COLGALT2: variants seen among roughly 807,000 people sequenced by gnomAD.
COLGALT2 encodes the protein collagen beta(1-O)galactosyltransferase 2, also known as procollagen galactosyltransferase 2.
Under a neutral mutation model 73.4 loss-of-function variants are expected in COLGALT2, and 49 were observed. That is an observed-to-expected ratio of 0.67 (90% confidence interval 0.53 to 0.85). COLGALT2 has a LOEUF of 0.85. Ranked by LOEUF, COLGALT2 falls within the 40% of genes least tolerant of loss-of-function variation. COLGALT2 has a pLI of 0.00. For missense variants in COLGALT2, 722 were observed against 790.2 expected (o/e 0.91, Z 1.03); for synonymous variants, 295 against 307.6 (o/e 0.96, Z 0.43).
chr1:183,944,993 G>A (rs1670210917), intron 9 of COLGALT2, among the ~76,000 whole-genome samples: 1 of 152,186 alleles, frequency 6.6e-6, no homozygotes, highest in Non-Finnish European at 1.5e-5. Context: ...CTGTAAGACA[G>A]GGGTTCCACT....
At chr1:183,992,815 G>A (rs1671665279) in intron 1 of COLGALT2, among the ~76,000 whole-genome samples, 1 of 152,152 alleles carries the variant, frequency 6.6e-6, no homozygotes, top group Non-Finnish European at 1.5e-5. Context: ...CCCCAAATGG[G>A]TAAAATCCCC....
chr1:184,001,510 T>G (rs184521104), intron 1 of COLGALT2, among the ~76,000 whole-genome samples: 1 of 152,292 alleles, frequency 6.6e-6, no homozygotes, highest in East Asian at 1.9e-4. Context: ...TCTAAACCTC[T>G]CTTTCATAGT....
intron 8 of COLGALT2, among the ~76,000 whole-genome samples, chr1:183,947,601 G>T (rs1363014089): frequency 1.3e-5 from 2 of 152,128 alleles, no homozygotes; most frequent in African/African-American, 4.8e-5. Flanking sequence ...ACTTAACATA[G>T]TACTTGGAGA....
chr1:183,951,908 C>G (rs1281519570), intron 7 of COLGALT2, among the ~76,000 whole-genome samples: 1 of 152,188 alleles, frequency 6.6e-6, no homozygotes, highest in Non-Finnish European at 1.5e-5. Flanking sequence ...GCAAAAAGAA[C>G]AAGGCTTGAG....
In COLGALT2 at chr1:183,938,261, C is replaced by T; in HGVS notation, c.*500G>A. On this transcript the variant is annotated 3_prime_UTR_variant, in exon 12 of 12. Coordinates refer to ENST00000361927, the MANE Select transcript of COLGALT2 (RefSeq NM_015101.4). ...GTGACAGAATCCTTTAAATAAAAAG[C>T]CAAATAAATATGATTTTAAGTGATT... The T allele has an allele frequency of 5.1e-6, 5 of 983,230 alleles. No homozygotes were observed. The highest frequency in any genetic ancestry group is 6.0e-6 in the Non-Finnish European group (5 of 829,432). 60.9% of individuals were successfully genotyped at this position (983,230 alleles called of 1,614,324 possible).
chr1:183,963,239 T>C (rs1047312990), intron 6 of COLGALT2, among the ~76,000 whole-genome samples: 2 of 152,354 alleles, frequency 1.3e-5, no homozygotes, highest in African/African-American at 4.8e-5. Context: ...AATCCCAATC[T>C]GTCATTTGTT....
At chr1:184,028,341 T>A (rs942237813) in intron 1 of COLGALT2, among the ~76,000 whole-genome samples, 28 of 152,194 alleles carry the variant, frequency 1.8e-4, no homozygotes. Flanking sequence ...CACCAATCAA[T>A]GTACCTCCAC....
chr1:184,004,262 A>G (rs1260590571), intron 1 of COLGALT2, among the ~76,000 whole-genome samples: 2 of 152,232 alleles, frequency 1.3e-5, no homozygotes, highest in Non-Finnish European at 2.9e-5. Context: ...GGTGCAAGAA[A>G]GCAGCACAAC....
At chr1:183,939,488 C>T (rs1038431910) in intron 11 of COLGALT2, among the ~76,000 whole-genome samples, 6 of 152,188 alleles carry the variant, frequency 3.9e-5, no homozygotes, top group East Asian at 1.9e-4. Context: ...CTCACCACTC[C>T]GGTTCCAACA....
At chr1:183,930,568 T>C (rs1669822595) in intron 11 of COLGALT2, among the ~76,000 whole-genome samples, 1 of 77,702 alleles carries the variant, frequency 1.3e-5, no homozygotes, top group Non-Finnish European at 2.9e-5. Flanking sequence ...TTTTTCTTTT[T>C]CTTTTTTTTT....
chr1:184,017,408 C>T (rs376527088), intron 1 of COLGALT2, among the ~76,000 whole-genome samples: 2 of 152,068 alleles, frequency 1.3e-5, no homozygotes, highest in Non-Finnish European at 2.9e-5. Context: ...GTTTCTCCTC[C>T]GGCCCTCAAT....
At chr1:183,959,413 A>AC (rs1360588592) in intron 6 of COLGALT2, among the ~76,000 whole-genome samples, 3 of 151,944 alleles carry the variant, frequency 2.0e-5, no homozygotes, top group African/African-American at 7.3e-5. Context: ...TAGCTCCCCA[A>AC]CCCCCAGTCT....
At chr1:183,981,589 G>C (rs571079808) in intron 1 of COLGALT2, among the ~76,000 whole-genome samples, 3 of 152,268 alleles carry the variant, frequency 2.0e-5, no homozygotes, top group African/African-American at 4.8e-5. Flanking sequence ...CCTGCAAGGT[G>C]GAGATTGCAG....
intron 5 of COLGALT2, among the ~76,000 whole-genome samples, chr1:183,967,182 C>T (rs184920680): frequency 1.3e-5 from 2 of 152,350 alleles, no homozygotes; most frequent in Admixed American, 6.5e-5. Context: ...TCAAGAAAGA[C>T]CTTTCATTTC....
At chr1:183,939,424 T>C (rs979625148) in intron 11 of COLGALT2, among the ~76,000 whole-genome samples, 2 of 152,210 alleles carry the variant, frequency 1.3e-5, no homozygotes, top group Non-Finnish European at 2.9e-5. Context: ...ATGGGGCATG[T>C]GGCACGTGGA....
At chr1:184,003,207 A>G (rs1418387299) in intron 1 of COLGALT2, among the ~76,000 whole-genome samples, 1 of 152,196 alleles carries the variant, frequency 6.6e-6, no homozygotes, top group African/African-American at 2.4e-5. Context: ...CTCCTATCAA[A>G]AGATAGGGAT....
At chr1:183,946,271 T>A (rs964489555) in intron 8 of COLGALT2, 9 of 152,222 alleles carry the variant, frequency 5.9e-5, no homozygotes, top group African/African-American at 2.2e-4. Flanking sequence ...CATTATCAGC[T>A]GATGCTAACA....
At chr1:183,950,329 CAT>C in intron 8 of COLGALT2, among the ~76,000 whole-genome samples, 1 of 152,278 alleles carries the variant, frequency 6.6e-6, no homozygotes, top group Non-Finnish European at 1.5e-5. Flanking sequence ...AGCTGCTAGC[CAT>C]ACTCCTTAGT....
chr1:184,025,702 C>T (rs10911495), intron 1 of COLGALT2, among the ~76,000 whole-genome samples: 26,288 of 152,156 alleles, frequency 0.17, 2,439 homozygotes, highest in Admixed American at 0.26. Flanking sequence ...TCATCAAGCA[C>T]GTGCCTTCCC....
Sources: allele counts gnomAD v4.1 joint callset (sites outside exome capture counted in the v4.1 genomes callset), GRCh38; gene constraint gnomAD v4.1.1; transcripts MANE v1.5; gene names NCBI Gene and HGNC (gene_info 2026-07-23, HGNC 2026-07-21).